The following PICALM variants were observed in gnomAD, a reference collection of about 807,000 sequenced individuals.
PICALM encodes phosphatidylinositol-binding clathrin assembly protein.
Under a neutral mutation model 80.5 loss-of-function variants are expected in PICALM, and 40 were observed. The ratio of observed to expected loss-of-function variants is 0.50; its 90% CI spans 0.39 to 0.65. The LOEUF (loss-of-function observed/expected upper bound fraction) is 0.65. PICALM is among the 30% of genes least tolerant of loss of function. The pLI is 0.00. For missense variants in PICALM, 676 were observed against 778.9 expected (o/e 0.87, Z 1.57); for synonymous variants, 288 against 260.3 (o/e 1.11, Z -1.02).
intron 15 of PICALM, 41 bp from the exon 16 acceptor site, chr11:85,981,816 G>C (rs374145283): frequency 2.4e-5 from 39 of 1,610,804 alleles, no homozygotes; most frequent in Non-Finnish European, 2.9e-5. Flanking sequence ...TATAACACGA[G>C]ACGCAGTTTA....
At chr11:85,963,125 G>A (rs79252431) in intron 19 of PICALM, among the ~76,000 whole-genome samples, 3,936 of 152,160 alleles carry the variant, frequency 0.026, 174 homozygotes, top group African/African-American at 0.09. Context: ...ACATGATGTA[G>A]GGTTGCTAAA....
At chr11:85,965,734 GT>G (rs2093854452) in intron 19 of PICALM, among the ~76,000 whole-genome samples, 1 of 150,372 alleles carries the variant, frequency 6.7e-6, no homozygotes, top group Admixed American at 6.6e-5. Flanking sequence ...CCCACCTTGG[GT>G]TTCTGCCCAT....
intron 19 of PICALM, among the ~76,000 whole-genome samples, chr11:85,960,011 T>C (rs1205229199): frequency 2.0e-5 from 3 of 152,188 alleles, no homozygotes; most frequent in African/African-American, 7.2e-5. Context: ...CAAAATCTCA[T>C]TTGGGAAGCA....
chr11:85,990,941 A>G (rs1052884375), intron 12 of PICALM, among the ~76,000 whole-genome samples: 2 of 152,252 alleles, frequency 1.3e-5, no homozygotes, highest in African/African-American at 2.4e-5. Context: ...AGAATTTTAG[A>G]TAATTAAGAA....
intron 1 of PICALM, among the ~76,000 whole-genome samples, chr11:86,054,367 G>A (rs1216062841): frequency 6.6e-6 from 1 of 152,174 alleles, no homozygotes; most frequent in African/African-American, 2.4e-5. Flanking sequence ...TGGGAGAAAG[G>A]AGGGCTCTAA....
At chr11:86,051,528 G>GCCTA (rs1421666638) in intron 1 of PICALM, among the ~76,000 whole-genome samples, 1 of 152,136 alleles carries the variant, frequency 6.6e-6, no homozygotes, top group African/African-American at 2.4e-5. Flanking sequence ...AGGCATGGTA[G>GCCTA]CGTGCACTCA....
At chr11:85,995,514 G>A (rs551620583) in intron 12 of PICALM, among the ~76,000 whole-genome samples, 1 of 152,170 alleles carries the variant, frequency 6.6e-6, no homozygotes, top group South Asian at 2.1e-4. Context: ...ATTTTTAGTT[G>A]TACATGGTGT....
At chr11:86,058,998 G>A (rs1274859776) in intron 1 of PICALM, among the ~76,000 whole-genome samples, 1 of 152,180 alleles carries the variant, frequency 6.6e-6, no homozygotes, top group Non-Finnish European at 1.5e-5. Context: ...TGTTTTGGAA[G>A]ACACTACCTT....
At position 86,054,678 on chromosome 11, in the gene PICALM, T is replaced by G. The variant is rs187604728; in HGVS notation, c.130+13973A>C. The stretch of plus-strand genomic sequence containing the variant: ...CCTACTTTGATCTTTATGTAAAAAT[T>G]TATTATGCATTTACCTTAATGTATT... On this transcript the variant is annotated intron_variant, in intron 1 of 19. Coordinates refer to ENST00000393346, the MANE Select transcript of PICALM (RefSeq NM_007166.4). 1.5e-3 allele frequency among the ~76,000 whole-genome samples: 227 copies of G among 152,356 alleles called. 1 individual carries two copies. The South Asian group carries it at 0.015, about 10-fold the overall frequency.
In PICALM at chr11:86,022,439, T is replaced by C; in HGVS notation, c.380A>G (p.Tyr127Cys). ...TGCTTTCTCATTTAAATATCTACTATACCGCCTAATAAATGTAGACATGTC... is the reference window on the plus strand; with the variant it reads ...TGCTTTCTCATTTAAATATCTACTACACCGCCTAATAAATGTAGACATGTC... ...GYDMSTFIRR[Y>C]SRYLNEKAVS... Residue 127 changes from tyrosine (Y) to cysteine (C), a missense_variant, in exon 4 of 20, where the codon TAT (tyrosine) becomes TGT (cysteine). Tyr to Cys is a radical substitution (Grantham distance 194). This residue lies in a region of PICALM where 285 missense variants were observed against 395.4 expected (regional missense o/e 0.72). Coordinates refer to ENST00000393346, the MANE Select transcript of PICALM (RefSeq NM_007166.4). 1.9e-6 allele frequency: 3 copies of C among 1,577,910 alleles called. No individual in the cohort carries two copies. The highest frequency in any genetic ancestry group is 1.7e-4 in the Middle Eastern group (1 of 5,994).
At chr11:85,998,197 C>T (rs915639354) in intron 11 of PICALM, among the ~76,000 whole-genome samples, 1 of 152,046 alleles carries the variant, frequency 6.6e-6, no homozygotes, top group African/African-American at 2.4e-5. Context: ...CTGCAAGCTC[C>T]GCCTCCCGGG....
At position 85,957,527 on chromosome 11, in the gene PICALM, T is replaced by A. The variant is rs1264417164; in HGVS notation, c.*1519A>T. 6.6e-6 allele frequency among the ~76,000 whole-genome samples: 1 copy of A among 152,194 alleles called. No homozygotes were observed. The highest frequency in any genetic ancestry group is 2.4e-5 in the African/African-American group (1 of 41,448). The stretch of plus-strand genomic sequence containing the variant: ...AGGTAACAAAAAGTGTAAAGAGACA[T>A]CTTTTTGAAAATTCATATAAAACAA... On this transcript the variant is annotated 3_prime_UTR_variant, in exon 20 of 20. Transcript: ENST00000393346.
Position 86,031,540 on chromosome 11 carries a change from T to C in PICALM, c.202A>G (p.Thr68Ala), listed in dbSNP as rs772279792. 4.3e-6 allele frequency: 7 copies of C among 1,611,454 alleles called. No homozygotes were observed. Among genetic ancestry groups the C allele is most frequent in the East Asian group, 2.2e-5 (1 of 44,848 alleles). ...QLADSLFERT[T>A]NSSWVVVFKS... is the part of the protein sequence containing the mutation. ...AAGACCACCACCCAACTACTATTAG[T>C]AGTTCTTTCAAATAAACTGTCTGCC... Residue 68 changes from threonine to alanine, a missense_variant, in exon 2 of 20, where the codon ACT becomes GCT. Around this residue, in one of 2 missense-constraint regions of PICALM, gnomAD observed 285 missense variants for 395.4 expected, o/e 0.72. Coordinates refer to ENST00000393346, the MANE Select transcript of PICALM (RefSeq NM_007166.4).
chr11:86,014,728 A>G (rs1376606536), intron 5 of PICALM, 142 bp downstream of exon 5: 1 of 477,628 alleles, frequency 2.1e-6, no homozygotes, highest in Non-Finnish European at 3.6e-6. Flanking sequence ...ATTTGACTTG[A>G]GACTATTTTA....
chr11:85,966,637 G>A (rs1257547093), intron 19 of PICALM, among the ~76,000 whole-genome samples: 2 of 152,186 alleles, frequency 1.3e-5, no homozygotes, highest in African/African-American at 4.8e-5. Context: ...AAGATGTGTT[G>A]AAGTCCTAAC....
At chr11:86,068,614 G>C in intron 1 of PICALM, 37 bp downstream of exon 1, 1 of 1,588,816 alleles carries the variant, frequency 6.3e-7, no homozygotes, top group African/African-American at 1.4e-5. Flanking sequence ...GGTCGCGCGG[G>C]CGCCGGGGAG....
At chr11:86,056,134 T>TAAAAAAAAAAAA (rs376759395) in intron 1 of PICALM, among the ~76,000 whole-genome samples, 14 of 76,846 alleles carry the variant, frequency 1.8e-4, no homozygotes, top group Non-Finnish European at 2.9e-4. Context: ...GACTCTGTCT[T>TAAAAAAAAAAAA]TAAAAAAAAA....
At chr11:85,982,275 A>T (rs936616199) in intron 14 of PICALM, 2 of 289,154 alleles carry the variant, frequency 6.9e-6, no homozygotes, top group Admixed American at 9.1e-5. Flanking sequence ...AAGTATTATA[A>T]AAGAGAAAAA....
intron 4 of PICALM, among the ~76,000 whole-genome samples, chr11:86,015,519 T>G (rs1477663060): frequency 6.6e-6 from 1 of 152,222 alleles, no homozygotes. Flanking sequence ...CAAATCATTC[T>G]AATCTGGCTA....
Sources: allele counts gnomAD v4.1 joint callset (sites outside exome capture counted in the v4.1 genomes callset), GRCh38; gene constraint gnomAD v4.1.1; regional missense constraint gnomAD v4.1.1; transcripts MANE v1.5; gene names NCBI Gene and HGNC (gene_info 2026-07-23, HGNC 2026-07-21).